Variants in BRD3 observed in about 807,000 individuals in gnomAD.
BRD3 encodes the protein bromodomain containing 3.
BRD3 carries 17 observed loss-of-function variants against 66.8 expected under a neutral mutation model. The observed-to-expected ratio is 0.25, with a 90% CI of 0.17 to 0.38. The LOEUF (loss-of-function observed/expected upper bound fraction) is 0.38, where lower values mean the gene tolerates loss of function less well. Among genes scored for constraint, BRD3 ranks in the 10% least tolerant of loss-of-function variants. BRD3 has a pLI of 1.00. For missense variants in BRD3, 713 were observed against 956.1 expected (o/e 0.75, Z 3.35); for synonymous variants, 421 against 393.2 (o/e 1.07, Z -0.84).
At chr9:134,061,635 G>C (rs1455746915) in intron 1 of BRD3, among the ~76,000 whole-genome samples, 1 of 152,198 alleles carries the variant, frequency 6.6e-6, no homozygotes, top group South Asian at 2.1e-4. Flanking sequence ...CCCCCACTGG[G>C]GCACTCCAGC....
chr9:134,050,200 G>A (rs954167193), intron 5 of BRD3, among the ~76,000 whole-genome samples, 174 bp downstream of exon 5: 4 of 152,206 alleles, frequency 2.6e-5, no homozygotes, highest in South Asian at 4.1e-4. Flanking sequence ...CCAGGCCTAG[G>A]TCTCCTCATC....
intron 1 of BRD3, among the ~76,000 whole-genome samples, chr9:134,066,928 G>C (rs943516621): frequency 3.3e-5 from 5 of 152,192 alleles, no homozygotes; most frequent in African/African-American, 4.8e-5. Context: ...GGTGGGTCTC[G>C]GCGGGCCGAG....
chr9:134,059,618 G>A (rs1051147315), intron 1 of BRD3, among the ~76,000 whole-genome samples: 1 of 152,240 alleles, frequency 6.6e-6, no homozygotes, highest in African/African-American at 2.4e-5. Flanking sequence ...GGGGAACAGG[G>A]GGGCCCCACA....
intron 6 of BRD3, among the ~76,000 whole-genome samples, chr9:134,047,305 G>A (rs546973568): frequency 6.6e-6 from 1 of 152,388 alleles, no homozygotes; most frequent in African/African-American, 2.4e-5. Flanking sequence ...GTTGGCGGAG[G>A]AGGCAGGTCA....
intron 6 of BRD3, among the ~76,000 whole-genome samples, chr9:134,046,558 G>A (rs928756357): frequency 3.3e-5 from 5 of 152,294 alleles, no homozygotes; most frequent in East Asian, 1.9e-4. Flanking sequence ...GAAAGAACCC[G>A]GGGGCACAGT....
intron 1 of BRD3, among the ~76,000 whole-genome samples, chr9:134,067,514 T>G (rs1488448406): frequency 2.7e-5 from 4 of 148,082 alleles, no homozygotes; most frequent in African/African-American, 9.8e-5. Context: ...GCGTCCTCCC[T>G]GGGTTCCCCC....
intron 1 of BRD3, among the ~76,000 whole-genome samples, chr9:134,055,089 C>A (rs1342666657): frequency 6.6e-6 from 1 of 152,202 alleles, no homozygotes; most frequent in Non-Finnish European, 1.5e-5. Flanking sequence ...CAGCCCCAGG[C>A]TGCAACCCTG....
intron 9 of BRD3, 173 bp from the exon 10 acceptor site, chr9:134,036,497 G>A (rs949161254): frequency 1.2e-5 from 19 of 1,588,216 alleles, no homozygotes; most frequent in Admixed American, 1.8e-5. Flanking sequence ...TCCCAGCTGC[G>A]GGGTTTCCAG....
chr9:134,064,893 CA>C (rs921536791), intron 1 of BRD3, among the ~76,000 whole-genome samples: 4 of 152,218 alleles, frequency 2.6e-5, no homozygotes, highest in Non-Finnish European at 5.9e-5. Context: ...GCAGTACCAA[CA>C]AAAACACAGG....
At chr9:134,065,180 T>C (rs1220607346) in intron 1 of BRD3, among the ~76,000 whole-genome samples, 1 of 152,126 alleles carries the variant, frequency 6.6e-6, no homozygotes, top group African/African-American at 2.4e-5. Context: ...ATCCCAGCAC[T>C]TTGGGAGGCC....
rs914139196 is a variant in BRD3 at position 134,032,672 on chromosome 9, T to C, written c.*918A>G. On this transcript the variant is annotated 3_prime_UTR_variant, in exon 12 of 12. Transcript: ENST00000303407. Reference sequence around the variant, plus strand: ...CGGTTTTTTCTTATTTTCTTTTTTTTAAAAATGACCAATGATGTTAATAAA... The same window carrying C: ...CGGTTTTTTCTTATTTTCTTTTTTTCAAAAATGACCAATGATGTTAATAAA... 1.8e-5 allele frequency: 4 copies of C among 227,032 alleles called. No individual in the cohort carries two copies. The highest frequency in any genetic ancestry group is 2.6e-5 in the Non-Finnish European group (3 of 114,368). 14.1% of individuals were successfully genotyped at this position (227,032 alleles called of 1,614,324 possible).
In BRD3 at chr9:134,045,260, G is replaced by T; in HGVS notation, c.1215+33C>A. The T allele has an allele frequency of 6.2e-7, 1 of 1,612,002 alleles. No homozygotes were observed. Among genetic ancestry groups the T allele is most frequent in the Non-Finnish European group, 8.5e-7 (1 of 1,179,356 alleles). ...GCCAGGATGCCCACAGCACTGAGCTGAGCAGCCCCACCCGTGCCCAGCCTC... is the reference window on the plus strand; with the variant it reads ...GCCAGGATGCCCACAGCACTGAGCTTAGCAGCCCCACCCGTGCCCAGCCTC... On this transcript the variant is annotated intron_variant, in intron 7 of 11. Transcript: ENST00000303407. This position sits in a 1 kb window ranked among gnomAD's most constrained non-coding sequence, Gnocchi z 4.8.
chr9:134,061,349 ACAGG>A (rs1434076412), intron 1 of BRD3, among the ~76,000 whole-genome samples: 2 of 152,210 alleles, frequency 1.3e-5, no homozygotes, highest in African/African-American at 4.8e-5. Flanking sequence ...CTTTCAGCAA[ACAGG>A]CAGGGTTGGG....
intron 7 of BRD3, among the ~76,000 whole-genome samples, chr9:134,044,447 T>C (rs1048249641): frequency 4.6e-5 from 7 of 152,164 alleles, no homozygotes; most frequent in African/African-American, 1.7e-4. Context: ...TAACATGACA[T>C]TCTGGGTCCC....
intron 8 of BRD3, 116 bp from the exon 9 acceptor site, chr9:134,040,385 G>A (rs1462526493): frequency 3.2e-6 from 4 of 1,233,244 alleles, no homozygotes; most frequent in East Asian, 2.5e-5. Flanking sequence ...TCAGCTGGGT[G>A]AGGAGGTGAA....
chr9:134,056,998 A>G (rs531376799), intron 1 of BRD3: 1 of 152,518 alleles, frequency 6.6e-6, no homozygotes, highest in African/African-American at 2.4e-5. Flanking sequence ...CGTCTGTGCA[A>G]GAGAGCCCCA....
At position 134,053,596 on chromosome 9, in the gene BRD3, G is replaced by C; in HGVS notation, c.-113-6C>G. 1 of 1,444,650 alleles carries C rather than the reference G, an allele frequency of 6.9e-7. No individual in the cohort carries two copies. The highest frequency in any genetic ancestry group is 1.5e-5 in the South Asian group (1 of 68,878). The allele number at this position is 1,444,650 out of a possible 1,614,324, so 89.5% of individuals were successfully genotyped here. A position where few individuals can be genotyped will look rare whatever the true frequency, so the allele number is the denominator to read the frequency against. ...CGGGCCCAACCAGGCGACAGCTGCA[G>C]AGGAGGAAGCACAACAGAGAGGAAG... On this transcript the variant is annotated splice_polypyrimidine_tract_variant and splice_region_variant and intron_variant, in intron 1 of 11. Transcript: ENST00000303407.
chr9:134,062,587 G>A (rs58144017), intron 1 of BRD3, among the ~76,000 whole-genome samples: 2,088 of 151,930 alleles, frequency 0.014, 58 homozygotes, highest in African/African-American at 0.047. Flanking sequence ...GCCACAACCC[G>A]TCACCTCTTC....
At chr9:134,063,522 T>C (rs10993907) in intron 1 of BRD3, among the ~76,000 whole-genome samples, 53,806 of 152,126 alleles carry the variant, frequency 0.35, 10,029 homozygotes, top group Middle Eastern at 0.53. Flanking sequence ...CAGCCGCTTA[T>C]AGTAGATTCT....
Sources: allele counts gnomAD v4.1 joint callset (sites outside exome capture counted in the v4.1 genomes callset), GRCh38; gene constraint gnomAD v4.1.1; non-coding constraint Gnocchi (gnomAD v3.1); transcripts MANE v1.5; gene names NCBI Gene and HGNC (gene_info 2026-07-23, HGNC 2026-07-21).